Variants in FLT3 observed in about 807,000 individuals in gnomAD.
FLT3 encodes the protein fms related receptor tyrosine kinase 3.
Under a neutral mutation model 126.6 loss-of-function variants are expected in FLT3, and 46 were observed. That is an observed-to-expected ratio of 0.36 (90% CI 0.29 to 0.46). The LOEUF is 0.46. Ranked by LOEUF, FLT3 falls within the 20% of genes least tolerant of loss-of-function variation. The pLI, the probability that FLT3 is intolerant of heterozygous loss-of-function variation, is 1.00. For synonymous variants in FLT3, 404 were observed against 434.4 expected, an observed-to-expected ratio of 0.93 and a Z score of 0.87; for missense variants, 1,069 against 1,190.3, an observed-to-expected ratio of 0.90 and a Z score of 1.50.
At position 28,061,189 on chromosome 13, in the gene FLT3, C is replaced by T. The variant is rs1008382028; in HGVS notation, c.368+678G>A. The stretch of plus-strand genomic sequence containing the variant: ...TGGCCAACATGGTGAAACCCCATCT[C>T]TACTAAAAATACAAAAATTAGCTGG... On this transcript the variant is annotated intron_variant, in intron 3 of 23. Transcript: ENST00000241453. Among the ~76,000 whole-genome samples the T allele has an allele frequency of 2.0e-5, 3 of 151,942 alleles. No individual in the cohort carries two copies. The East Asian group carries it at 5.9e-4, about 30-fold the overall frequency.
intron 19 of FLT3, among the ~76,000 whole-genome samples, chr13:28,019,924 A>T (rs897699098): frequency 1.3e-5 from 2 of 151,966 alleles, no homozygotes; most frequent in Non-Finnish European, 2.9e-5. Flanking sequence ...CCACACCCTC[A>T]CCCAAGCCAT....
intron 17 of FLT3, among the ~76,000 whole-genome samples, chr13:28,026,352 G>GAAA (rs5802460): frequency 6.5e-4 from 51 of 78,842 alleles, no homozygotes; most frequent in Admixed American, 8.0e-4. Flanking sequence ...AACTCTGTCT[G>GAAA]AAAAAAAAAA....
intron 3 of FLT3, among the ~76,000 whole-genome samples, chr13:28,060,752 G>A (rs9581968): frequency 0.16 from 24,897 of 151,600 alleles, 2,220 homozygotes; most frequent in Middle Eastern, 0.26. Flanking sequence ...TTACAGGCCC[G>A]CACCACTATG....
At chr13:28,060,450 A>C (rs1236976034) in intron 3 of FLT3, among the ~76,000 whole-genome samples, 1 of 122,992 alleles carries the variant, frequency 8.1e-6, no homozygotes, top group Non-Finnish European at 1.6e-5. Context: ...TTAATTGTAA[A>C]TAAGGTAAAA....
intron 1 of FLT3, among the ~76,000 whole-genome samples, chr13:28,074,702 G>A (rs1223903058): frequency 2.0e-5 from 3 of 152,056 alleles, no homozygotes; most frequent in Admixed American, 6.6e-5. Context: ...GTATAGTGGC[G>A]TGATCACAGC....
At chr13:28,033,698 G>A (rs1036784032) in intron 15 of FLT3, among the ~76,000 whole-genome samples, 189 bp downstream of exon 15, 9 of 152,006 alleles carry the variant, frequency 5.9e-5, no homozygotes, top group Non-Finnish European at 1.3e-4. Context: ...AAGAAGAGGT[G>A]GAGTTTTGTA....
intron 1 of FLT3, among the ~76,000 whole-genome samples, chr13:28,093,424 A>C (rs1364649554): frequency 6.6e-6 from 1 of 152,168 alleles, no homozygotes; most frequent in Non-Finnish European, 1.5e-5. Context: ...TATCCCTTAC[A>C]CATTACATGT....
At chr13:28,095,831 A>C (rs1408842902) in intron 1 of FLT3, among the ~76,000 whole-genome samples, 1 of 152,122 alleles carries the variant, frequency 6.6e-6, no homozygotes, top group African/African-American at 2.4e-5. Flanking sequence ...AGAACCGTGG[A>C]TATGTTGTTG....
intron 4 of FLT3, among the ~76,000 whole-genome samples, chr13:28,053,913 A>G (rs548680597): frequency 1.3e-5 from 2 of 151,994 alleles, no homozygotes; most frequent in African/African-American, 4.8e-5. Flanking sequence ...CAGTGGTGCA[A>G]TCTCAGCTCA....
intron 9 of FLT3, among the ~76,000 whole-genome samples, chr13:28,047,505 G>C (rs1047726489): frequency 5.9e-5 from 9 of 152,170 alleles, no homozygotes; most frequent in Admixed American, 5.9e-4. Flanking sequence ...GAGCTCAAGA[G>C]TCCGAGACCA....
chr13:28,014,590 A>T, intron 22 of FLT3, 33 bp from the exon 23 acceptor site: 1 of 1,487,906 alleles, frequency 6.7e-7, no homozygotes, highest in South Asian at 1.1e-5. Flanking sequence ...AACAAGATGA[A>T]GAAGTCTGAA....
At chr13:28,041,704 CTAAT>C (rs1874392917) in intron 9 of FLT3, among the ~76,000 whole-genome samples, 1 of 152,188 alleles carries the variant, frequency 6.6e-6, no homozygotes, top group Non-Finnish European at 1.5e-5. Context: ...AGGGGACTAA[CTAAT>C]TAGGCTGATT....
At chr13:28,095,422 TGC>T (rs1879389653) in intron 1 of FLT3, among the ~76,000 whole-genome samples, 4 of 152,148 alleles carry the variant, frequency 2.6e-5, no homozygotes, top group Non-Finnish European at 5.9e-5. Flanking sequence ...ACTACAGGCG[TGC>T]GCCACCACAC....
intron 23 of FLT3, among the ~76,000 whole-genome samples, chr13:28,008,272 T>C (rs1314046643): frequency 1.3e-5 from 1 of 77,614 alleles, no homozygotes; most frequent in Non-Finnish European, 2.6e-5. Flanking sequence ...CAAGAACCTG[T>C]CTCAAAAAAA....
At chr13:28,077,092 A>G (rs1877993636) in intron 1 of FLT3, among the ~76,000 whole-genome samples, 1 of 9,454 alleles carries the variant, frequency 1.1e-4, no homozygotes, top group Non-Finnish European at 5.7e-3. Context: ...AGAAAGAAAA[A>G]GAGAAAAAGA....
At chr13:28,082,981 C>T (rs569006925) in intron 1 of FLT3, among the ~76,000 whole-genome samples, 1 of 151,324 alleles carries the variant, frequency 6.6e-6, no homozygotes, top group Non-Finnish European at 1.5e-5. Context: ...GCTGGGATTA[C>T]AGGCATGAGC....
intron 1 of FLT3, among the ~76,000 whole-genome samples, chr13:28,095,233 AC>A (rs2137834427): frequency 6.6e-6 from 1 of 152,296 alleles, no homozygotes; most frequent in South Asian, 2.1e-4. Flanking sequence ...AGGATACAGC[AC>A]AGTGTCAAGA....
chr13:28,081,792 T>A (rs1878329934), intron 1 of FLT3, among the ~76,000 whole-genome samples: 2 of 151,138 alleles, frequency 1.3e-5, no homozygotes, highest in Admixed American at 6.6e-5. Flanking sequence ...TCTTCTGTAA[T>A]ATTTTTATTA....
chr13:28,081,705 T>C (rs1055772801), intron 1 of FLT3, among the ~76,000 whole-genome samples: 1 of 152,120 alleles, frequency 6.6e-6, no homozygotes, highest in East Asian at 1.9e-4. Flanking sequence ...GATTTATTAA[T>C]TTACTATGAA....
Sources: gnomAD v4.1 joint callset for allele counts (sites outside exome capture counted in the v4.1 genomes callset) on GRCh38, gnomAD v4.1.1 for gene constraint, MANE v1.5 for transcripts, NCBI Gene and HGNC (gene_info 2026-07-23, HGNC 2026-07-21) for gene names.